Variants in PRKN observed in about 807,000 individuals in gnomAD.
PRKN encodes the protein parkin RBR E3 ubiquitin protein ligase, also known as E3 ubiquitin-protein ligase parkin.
In PRKN, 56 loss-of-function variants were observed where a neutral mutation model predicts 59.5. The observed-to-expected ratio is 0.94, with a 90% CI of 0.76 to 1.18. The LOEUF is 1.18. Among genes scored for constraint, PRKN ranks in the 50% most tolerant of loss-of-function variants. The pLI is 0.00. For synonymous variants in PRKN, 250 were observed against 222.1 expected (o/e 1.13, Z -1.12); for missense variants, 657 against 596.4 (o/e 1.10, Z -1.06).
At chr6:161,984,567 C>T (rs1052622609) in intron 5 of PRKN, among the ~76,000 whole-genome samples, 1 of 152,090 alleles carries the variant, frequency 6.6e-6, no homozygotes, top group Non-Finnish European at 1.5e-5. Context: ...GTTTTTCATT[C>T]TTTAATTTAG....
intron 7 of PRKN, among the ~76,000 whole-genome samples, chr6:161,590,946 T>C (rs1028648760): frequency 6.6e-6 from 1 of 152,154 alleles, no homozygotes; most frequent in Non-Finnish European, 1.5e-5. Flanking sequence ...TTCTTACTAT[T>C]AGGTATGTAC....
chr6:161,610,874 G>T (rs531137478), intron 7 of PRKN, among the ~76,000 whole-genome samples: 3 of 152,214 alleles, frequency 2.0e-5, no homozygotes, highest in African/African-American at 7.2e-5. Context: ...ATAGGAGAGG[G>T]GTGGTCACAA....
chr6:162,224,524 T>C (rs981744992), intron 3 of PRKN, among the ~76,000 whole-genome samples: 1 of 152,120 alleles, frequency 6.6e-6, no homozygotes, highest in African/African-American at 2.4e-5. Context: ...GACCCAAGAC[T>C]GAATTTACAT....
intron 1 of PRKN, among the ~76,000 whole-genome samples, chr6:162,618,521 T>C (rs554645855): frequency 2.0e-5 from 3 of 152,156 alleles, no homozygotes; most frequent in Non-Finnish European, 4.4e-5. Flanking sequence ...GAAACAAATC[T>C]ATCCCGTGTT....
chr6:161,609,946 C>T (rs549494141), intron 7 of PRKN, among the ~76,000 whole-genome samples: 1 of 152,098 alleles, frequency 6.6e-6, no homozygotes. Flanking sequence ...AGACTGTTCC[C>T]CATAGTTTAC....
intron 1 of PRKN, among the ~76,000 whole-genome samples, chr6:162,456,491 C>A (rs1240726359): frequency 6.6e-6 from 1 of 151,700 alleles, no homozygotes; most frequent in Non-Finnish European, 1.5e-5. Context: ...AAAAATATAT[C>A]ATAAACTTTA....
At chr6:161,701,998 C>G (rs1786272333) in intron 7 of PRKN, among the ~76,000 whole-genome samples, 1 of 152,178 alleles carries the variant, frequency 6.6e-6, no homozygotes, top group South Asian at 2.1e-4. Context: ...TGCTACTGCA[C>G]TTTTACTTAG....
chr6:162,506,502 A>G (rs1205425539), intron 1 of PRKN, among the ~76,000 whole-genome samples: 1 of 152,150 alleles, frequency 6.6e-6, no homozygotes, highest in Admixed American at 6.6e-5. Context: ...TCATTATTTG[A>G]AAGATTAAAT....
At position 161,538,060 on chromosome 6, in the gene PRKN, G is replaced by A; in HGVS notation, c.1083+10794C>T. 6.6e-6 allele frequency among the ~76,000 whole-genome samples: 1 copy of A among 152,194 alleles called. No individual in the cohort carries two copies. The highest frequency in any genetic ancestry group is 1.9e-4 in the East Asian group (1 of 5,188). On this transcript the variant is annotated intron_variant, in intron 9 of 11. Transcript: ENST00000366898. This position sits in a 1 kb window ranked among gnomAD's most constrained non-coding sequence, Gnocchi z 4.2. ...CAATATTATTTCTGTCTGAAGGAGA[G>A]TAACAGGCAACTTTGATTGGATAAA...
At chr6:162,422,843 GGCT>G (rs1789043598) in intron 2 of PRKN, among the ~76,000 whole-genome samples, 1 of 151,822 alleles carries the variant, frequency 6.6e-6, no homozygotes, top group East Asian at 2.0e-4. Flanking sequence ...CTACTTGGGA[GGCT>G]GAGGCAAGAA....
At chr6:161,543,249 C>T (rs1779680594) in intron 9 of PRKN, among the ~76,000 whole-genome samples, 1 of 152,180 alleles carries the variant, frequency 6.6e-6, no homozygotes. Flanking sequence ...TATTTTAATG[C>T]TGTTGTGATA....
chr6:161,545,234 G>A lies in PRKN; in HGVS notation c.1083+3620C>T, dbSNP rs1349647725. The A allele has an allele frequency of 3.7e-6, 5 of 1,333,894 alleles. No individual in the cohort carries two copies. Among genetic ancestry groups the A allele is most frequent in the African/African-American group, 1.5e-5 (1 of 66,922 alleles). 82.6% of individuals were successfully genotyped at this position (1,333,894 alleles called of 1,614,324 possible). A position where few individuals can be genotyped will look rare whatever the true frequency, so the allele number is the denominator to read the frequency against. The stretch of plus-strand genomic sequence containing the variant: ...ATTGAGGGAAAAAAAAATTAAGCAC[G>A]GGTGAATTCACAGGCATCTTACAAT... On this transcript the variant is annotated intron_variant, in intron 9 of 11. Coordinates refer to ENST00000366898, the MANE Select transcript of PRKN (RefSeq NM_004562.3). This position sits in a 1 kb window ranked among gnomAD's most constrained non-coding sequence, Gnocchi z 4.1.
At chr6:161,490,850 T>C (rs2115270648) in intron 9 of PRKN, among the ~76,000 whole-genome samples, 1 of 152,150 alleles carries the variant, frequency 6.6e-6, no homozygotes, top group Admixed American at 6.5e-5. Context: ...TGATCATGAG[T>C]GAGTTATCGT....
chr6:162,424,426 A>T (rs2128160434), intron 2 of PRKN, among the ~76,000 whole-genome samples: 1 of 152,292 alleles, frequency 6.6e-6, no homozygotes, highest in Admixed American at 6.5e-5. Flanking sequence ...GTCAATGACC[A>T]GTTGTAAGAA....
At chr6:161,374,642 GGT>G (rs1236287572) in intron 10 of PRKN, among the ~76,000 whole-genome samples, 3 of 3,018 alleles carry the variant, frequency 9.9e-4, no homozygotes, top group East Asian at 0.01. Flanking sequence ...ATGTATGTGT[GGT>G]GTGTGTGTAT....
At chr6:162,189,043 G>C (rs997274656) in intron 4 of PRKN, among the ~76,000 whole-genome samples, 5 of 151,702 alleles carry the variant, frequency 3.3e-5, no homozygotes, top group African/African-American at 9.7e-5. Flanking sequence ...ATTGAGATTA[G>C]ACGACTGCAG....
At chr6:162,500,960 G>C (rs899977531) in intron 1 of PRKN, among the ~76,000 whole-genome samples, 4 of 152,138 alleles carry the variant, frequency 2.6e-5, no homozygotes, top group African/African-American at 9.7e-5. Flanking sequence ...GAGGCCGGGA[G>C]TTTGAGAACA....
intron 6 of PRKN, among the ~76,000 whole-genome samples, chr6:161,961,641 T>C (rs1350179570): frequency 1.3e-5 from 2 of 152,094 alleles, no homozygotes; most frequent in Non-Finnish European, 2.9e-5. Flanking sequence ...TGCTAGAGAG[T>C]GTCCCCGTCG....
intron 6 of PRKN, among the ~76,000 whole-genome samples, chr6:161,903,324 G>A (rs563733604): frequency 1.3e-5 from 2 of 152,106 alleles, no homozygotes; most frequent in Non-Finnish European, 2.9e-5. Flanking sequence ...CTGCAAAGTG[G>A]GCTCTTTTGT....
Sources: gnomAD v4.1 joint callset for allele counts (sites outside exome capture counted in the v4.1 genomes callset) on GRCh38, gnomAD v4.1.1 for gene constraint, Gnocchi (gnomAD v3.1) non-coding constraint, MANE v1.5 for transcripts, NCBI Gene and HGNC (gene_info 2026-07-23, HGNC 2026-07-21) for gene names.